The following TCF12 variants were observed in gnomAD, a reference collection of about 807,000 sequenced individuals.
TCF12 encodes the protein DNA-binding protein HTF4.
In TCF12, 45 loss-of-function variants were observed where a neutral mutation model predicts 86.0. The observed-to-expected ratio is 0.52, with a 90% CI of 0.41 to 0.67. The LOEUF (loss-of-function observed/expected upper bound fraction) is 0.67. TCF12 is among the 30% of genes least tolerant of loss of function. The pLI is 0.00. For missense variants in TCF12, 881 were observed against 859.9 expected (o/e 1.02, Z -0.31); for synonymous variants, 330 against 299.6 (o/e 1.10, Z -1.05).
In TCF12 at chr15:57,197,843, TTTAAC is replaced by T; in HGVS notation, c.579+21_579+25del. 1 of 1,612,566 alleles carries T rather than the reference TTTAAC, an allele frequency of 6.2e-7. No homozygotes were observed. The highest frequency in any genetic ancestry group is 8.5e-7 in the Non-Finnish European group (1 of 1,179,432). On this transcript the variant is annotated intron_variant, in intron 8 of 20. Transcript: ENST00000333725. ...CTTCTTCTGTAAGTACCTATCTTTT[TTTAAC>T]TTGATGGTAAACAAACTGATTTCAA...
chr15:57,133,215 G>T (rs17819940), intron 5 of TCF12, among the ~76,000 whole-genome samples: 27,456 of 152,218 alleles, frequency 0.18, 2,977 homozygotes, highest in Non-Finnish European at 0.24. Flanking sequence ...ATCTGAGCCT[G>T]AACAGAATAG....
At chr15:57,246,462 A>G (rs556772500) in intron 13 of TCF12, among the ~76,000 whole-genome samples, 60 of 152,156 alleles carry the variant, frequency 3.9e-4, no homozygotes, top group Admixed American at 3.1e-3. Context: ...CTGGCCCCCT[A>G]TGTCAGGGCT....
At chr15:57,219,221 C>G in intron 8 of TCF12, 1 of 1,111,076 alleles carries the variant, frequency 9.0e-7, no homozygotes, top group Non-Finnish European at 1.1e-6. Flanking sequence ...TATTTTTATT[C>G]AGGGCATATT....
chr15:57,263,072 T>G, intron 17 of TCF12, 40 bp from the exon 18 acceptor site: 2 of 1,572,444 alleles, frequency 1.3e-6, no homozygotes, highest in Non-Finnish European at 1.7e-6. Context: ...CATATATGAG[T>G]CTCGTCTTTT....
chr15:57,064,812 A>AAAAAAAAAAAAAAAAAG (rs554263213), intron 4 of TCF12, among the ~76,000 whole-genome samples: 11 of 123,448 alleles, frequency 8.9e-5, no homozygotes, highest in African/African-American at 3.2e-4. Flanking sequence ...AAAAAAAAAA[A>AAAAAAAAAAAAAAAAAG]AGAGAGAGAG....
intron 3 of TCF12, among the ~76,000 whole-genome samples, chr15:56,943,333 A>G (rs2060860840): frequency 6.6e-6 from 1 of 152,190 alleles, no homozygotes; most frequent in African/African-American, 2.4e-5. Flanking sequence ...ATATGACTTA[A>G]GCTAAAAAAA....
In TCF12 at chr15:57,208,151, G is replaced by T. The variant is rs367717820; in HGVS notation, c.579+10326G>T. 2.0e-5 allele frequency among the ~76,000 whole-genome samples: 3 copies of T among 150,450 alleles called. No homozygotes were observed. In the East Asian group the frequency reaches 5.9e-4, roughly 30 times the overall value. On this transcript the variant is annotated intron_variant, in intron 8 of 20. Transcript: ENST00000333725. The stretch of plus-strand genomic sequence containing the variant: ...CGGGTTCAAGCAAATCTCTGCCTCA[G>T]CCTCCTGAGTAGCTGGGATTGCAGG...
At chr15:57,026,827 A>T (rs1298581760) in intron 3 of TCF12, among the ~76,000 whole-genome samples, 1 of 152,110 alleles carries the variant, frequency 6.6e-6, no homozygotes, top group African/African-American at 2.4e-5. Flanking sequence ...TGGATGCTGA[A>T]GGCCTTTATA....
At chr15:57,025,210 A>G (rs1299842058) in intron 3 of TCF12, among the ~76,000 whole-genome samples, 2 of 151,872 alleles carry the variant, frequency 1.3e-5, no homozygotes, top group African/African-American at 4.8e-5. Context: ...CTCCCTAGTA[A>G]CTGGGACTAC....
intron 8 of TCF12, among the ~76,000 whole-genome samples, chr15:57,208,484 G>A (rs770615825): frequency 2.1e-5 from 3 of 139,630 alleles, no homozygotes; most frequent in Non-Finnish European, 3.0e-5. Flanking sequence ...CTGGGCTCAA[G>A]TGATCCTCAC....
At chr15:57,044,241 T>C (rs1449758901) in intron 3 of TCF12, among the ~76,000 whole-genome samples, 1 of 152,188 alleles carries the variant, frequency 6.6e-6, no homozygotes, top group Non-Finnish European at 1.5e-5. Context: ...TAAGCTCTGC[T>C]ATTTGAGTTT....
At chr15:57,229,208 A>G (rs2059020442) in intron 8 of TCF12, among the ~76,000 whole-genome samples, 1 of 151,992 alleles carries the variant, frequency 6.6e-6, no homozygotes, top group Admixed American at 6.6e-5. Context: ...AATAGTCCAA[A>G]GTTCCTTTCC....
At chr15:57,240,119 A>C (rs185313812) in intron 12 of TCF12, among the ~76,000 whole-genome samples, 39 of 152,314 alleles carry the variant, frequency 2.6e-4, no homozygotes, top group African/African-American at 8.9e-4. Flanking sequence ...GACTGAAAAG[A>C]ATCACTTAAA....
At chr15:57,233,703 G>A (rs1234096353) in intron 11 of TCF12, among the ~76,000 whole-genome samples, 1 of 152,036 alleles carries the variant, frequency 6.6e-6, no homozygotes, top group Admixed American at 6.5e-5. Context: ...CCTTGAACTC[G>A]TGGGCTCAAG....
At chr15:57,194,008 G>A (rs780116026) in intron 7 of TCF12, among the ~76,000 whole-genome samples, 4 of 152,128 alleles carry the variant, frequency 2.6e-5, no homozygotes, top group Non-Finnish European at 4.4e-5. Context: ...GAGTCTAGAC[G>A]TGTCAGTGTT....
intron 3 of TCF12, among the ~76,000 whole-genome samples, chr15:56,946,302 A>C (rs2060993286): frequency 6.6e-6 from 1 of 151,984 alleles, no homozygotes; most frequent in South Asian, 2.1e-4. Context: ...TTCTCTTTAC[A>C]AGTCAGTTTT....
intron 5 of TCF12, among the ~76,000 whole-genome samples, chr15:57,148,838 T>C (rs1305579987): frequency 6.6e-6 from 1 of 152,162 alleles, no homozygotes; most frequent in Non-Finnish European, 1.5e-5. Context: ...ACTGTGCCAC[T>C]GCACTGCAGC....
At chr15:57,185,597 C>A (rs1424026077) in intron 6 of TCF12, among the ~76,000 whole-genome samples, 1 of 152,148 alleles carries the variant, frequency 6.6e-6, no homozygotes, top group African/African-American at 2.4e-5. Context: ...AAAATTGGTT[C>A]TTTAAAAATA....
At chr15:57,067,118 A>G (rs2068945469) in intron 4 of TCF12, among the ~76,000 whole-genome samples, 2 of 152,306 alleles carry the variant, frequency 1.3e-5, no homozygotes, top group South Asian at 2.1e-4. Flanking sequence ...CCTTGCTTTT[A>G]CCAAATCCAC....
Sources: gnomAD v4.1 joint callset for allele counts (sites outside exome capture counted in the v4.1 genomes callset) on GRCh38, gnomAD v4.1.1 for gene constraint, MANE v1.5 for transcripts, NCBI Gene and HGNC (gene_info 2026-07-23, HGNC 2026-07-21) for gene names.